EIF2A: variants seen among roughly 807,000 people sequenced by gnomAD.
The protein encoded by EIF2A is eukaryotic translation initiation factor 2A.
A neutral mutation model predicts 75.2 loss-of-function variants in EIF2A; 62 were observed. The observed-to-expected ratio is 0.82, with a 90% confidence interval of 0.67 to 1.02. The LOEUF (loss-of-function observed/expected upper bound fraction) is 1.02. EIF2A is among the 50% of genes least tolerant of loss of function. The pLI, the probability that EIF2A is intolerant of heterozygous loss-of-function variation, is 0.00. For missense variants in EIF2A, 611 were observed against 677.7 expected (o/e 0.90, Z 1.09); for synonymous variants, 207 against 239.0 (o/e 0.87, Z 1.23).
intron 10 of EIF2A, among the ~76,000 whole-genome samples, chr3:150,572,855 C>CAA (rs774758560): frequency 0.011 from 1,170 of 101,768 alleles, 19 homozygotes; most frequent in African/African-American, 0.03. Context: ...GACTCCGTCT[C>CAA]AAAAAAAAAA....
intron 1 of EIF2A, 74 bp downstream of exon 1, chr3:150,546,904 ACCCGAGGAG>A: frequency 6.3e-7 from 1 of 1,593,154 alleles, no homozygotes; most frequent in Non-Finnish European, 8.5e-7. Flanking sequence ...TTTGAGAACT[ACCCGAGGAG>A]CCGGGGAGTC....
intron 9 of EIF2A, 56 bp downstream of exon 9, chr3:150,568,348 T>C (rs1020830577): frequency 8.2e-6 from 11 of 1,339,644 alleles, no homozygotes; most frequent in East Asian, 2.4e-5. Flanking sequence ...AAAAATACTA[T>C]GCCATAAAGA....
rs1421292634 is a variant in EIF2A at position 150,581,719 on chromosome 3, A to T, written c.1599A>T (p.Ile533=). 4.5e-6 allele frequency: 7 copies of T among 1,557,340 alleles called. No homozygotes were observed. Among genetic ancestry groups the T allele is most frequent in the Admixed American group, 1.9e-5 (1 of 51,534 alleles). Reference sequence around the variant, plus strand: ...AGTCAATTTCTGGGGACCCTGAGATAGACAAAAAAATCAAGAACCTAAAGA... The same window carrying T: ...AGTCAATTTCTGGGGACCCTGAGATTGACAAAAAAATCAAGAACCTAAAGA... ...VSQSISGDPE[I]DKKIKNLKKK... The change falls in exon 12 of 14, where the codon ATA becomes ATT. Residue 533 remains isoleucine (I), a synonymous_variant. Transcript: ENST00000460851.
chr3:150,562,452 C>A, intron 3 of EIF2A, 90 bp from the exon 4 acceptor site: 2 of 964,382 alleles, frequency 2.1e-6, no homozygotes, highest in Non-Finnish European at 3.0e-6. Context: ...TTGGAGTGAT[C>A]TGTATTTGAA....
chr3:150,562,230 G>T (rs7427005), intron 3 of EIF2A, among the ~76,000 whole-genome samples: 11 of 151,446 alleles, frequency 7.3e-5, no homozygotes, highest in South Asian at 4.2e-4. Context: ...AGACCATCCT[G>T]GCTAACACGG....
chr3:150,576,525 C>G (rs1216508504), intron 11 of EIF2A, among the ~76,000 whole-genome samples: 1 of 152,154 alleles, frequency 6.6e-6, no homozygotes, highest in Non-Finnish European at 1.5e-5. Context: ...TTTCTTTTGT[C>G]TTTGCCTATG....
At chr3:150,579,716 A>G (rs543316846) in intron 11 of EIF2A, among the ~76,000 whole-genome samples, 12 of 151,974 alleles carry the variant, frequency 7.9e-5, no homozygotes, top group East Asian at 7.7e-4. Flanking sequence ...AAAAAAAAAA[A>G]AGAGAAAAAT....
At chr3:150,551,908 A>G (rs1723335205) in intron 1 of EIF2A, among the ~76,000 whole-genome samples, 1 of 152,132 alleles carries the variant, frequency 6.6e-6, no homozygotes, top group Non-Finnish European at 1.5e-5. Flanking sequence ...ATATATTAAT[A>G]TTGCCTTATA....
chr3:150,557,507 TCTC>T (rs1723629764), intron 2 of EIF2A: 2 of 189,566 alleles, frequency 1.1e-5, no homozygotes, highest in Non-Finnish European at 2.3e-5. Context: ...TTGAAGCAAT[TCTC>T]CTGTCTCAGC....
Position 150,581,679 on chromosome 3 carries a change from G to C in EIF2A, c.1559G>C (p.Arg520Pro), listed in dbSNP as rs746915859. 2 of 1,553,186 alleles carry C rather than the reference G, an allele frequency of 1.3e-6. No individual in the cohort carries two copies. The highest frequency in any genetic ancestry group is 3.3e-4 in the Middle Eastern group (2 of 5,990). The change falls in exon 12 of 14, where the codon CGA becomes CCA. Residue 520 changes from arginine to proline, a missense_variant. Arg to Pro is a moderately radical substitution (Grantham distance 103). Coordinates refer to ENST00000460851, the MANE Select transcript of EIF2A (RefSeq NM_032025.5). ...APTPAPQSTP[R>P]NTVSQSISGD... The stretch of plus-strand genomic sequence containing the variant: ...ACTCCTGCCCCACAGAGCACACCAC[G>C]AAACACTGTCTCTCAGTCAATTTCT...
chr3:150,549,713 G>T (rs912368469), intron 1 of EIF2A, among the ~76,000 whole-genome samples: 5 of 152,184 alleles, frequency 3.3e-5, no homozygotes, highest in Non-Finnish European at 4.4e-5. Flanking sequence ...TAATCATGTA[G>T]TCAGGACTAA....
At chr3:150,555,968 C>G (rs961480615) in intron 2 of EIF2A, among the ~76,000 whole-genome samples, 4 of 152,176 alleles carry the variant, frequency 2.6e-5, no homozygotes, top group African/African-American at 9.7e-5. Flanking sequence ...TACTTCAGAA[C>G]AGTCTGTTGT....
chr3:150,559,934 T>C (rs1043300628), intron 3 of EIF2A, among the ~76,000 whole-genome samples: 2 of 152,210 alleles, frequency 1.3e-5, no homozygotes, highest in African/African-American at 2.4e-5. Context: ...CTATTGTGGG[T>C]ACTTAAATTT....
intron 3 of EIF2A, among the ~76,000 whole-genome samples, chr3:150,560,224 A>G (rs1723778138): frequency 6.6e-6 from 1 of 151,968 alleles, no homozygotes; most frequent in South Asian, 2.1e-4. Context: ...ATTTTAATAG[A>G]TATCTTCTAT....
At chr3:150,548,308 T>TACCCAGATAGAGTCAGTCACTTC (rs1723148178) in intron 1 of EIF2A, among the ~76,000 whole-genome samples, 1 of 152,252 alleles carries the variant, frequency 6.6e-6, no homozygotes, top group Non-Finnish European at 1.5e-5. Flanking sequence ...TTCGTCACTC[T>TACCCAGATAGAGTCAGTCACTTC]ACCCAGATAG....
chr3:150,555,868 T>C (rs1723538565), intron 2 of EIF2A, among the ~76,000 whole-genome samples: 1 of 152,174 alleles, frequency 6.6e-6, no homozygotes, highest in Non-Finnish European at 1.5e-5. Flanking sequence ...TGGGATATAC[T>C]GAGGTGACCA....
In EIF2A at chr3:150,558,406, CAA is replaced by C. The variant is rs956071321; in HGVS notation, c.119_120del (p.Lys40SerfsTer5). ...VFPRESGKNCKVCIFSKDGTL... is the reference protein window; with the variant it reads ...VFPRESGKNCXVCIFSKDGTL... ...TTTTCAGGGAATCTGGGAAGAATTG[CAA>C]AGTCTGTATCTTTAGTAAGGATGGG... On this transcript the variant is annotated frameshift_variant, in exon 3 of 14. Coordinates refer to ENST00000460851, the MANE Select transcript of EIF2A (RefSeq NM_032025.5). LOFTEE classifies it high-confidence loss of function. 5 of 1,524,642 alleles carry C rather than the reference CAA, an allele frequency of 3.3e-6. No homozygotes were observed. In the African/African-American group the frequency reaches 4.3e-5, roughly 13 times the overall value. 94.4% of individuals were successfully genotyped at this position (1,524,642 alleles called of 1,614,324 possible).
chr3:150,568,741 C>A (rs1227537291), intron 9 of EIF2A, among the ~76,000 whole-genome samples: 1 of 151,918 alleles, frequency 6.6e-6, no homozygotes. Flanking sequence ...CATAGTGAGA[C>A]CCTACCTCTA....
chr3:150,584,643 G>A lies in EIF2A; in HGVS notation c.*732G>A, dbSNP rs1725369578. Among the ~76,000 whole-genome samples the A allele has an allele frequency of 6.6e-6, 1 of 152,138 alleles. No individual in the cohort carries two copies. The highest frequency in any genetic ancestry group is 2.4e-5 in the African/African-American group (1 of 41,438). On this transcript the variant is annotated 3_prime_UTR_variant, in exon 14 of 14. Transcript: ENST00000460851. ...TTGAAATGTTCGCCACTTTGATAAAGAGGAAATGATTGTTTGTTACTGTTA... is the reference window on the plus strand; with the variant it reads ...TTGAAATGTTCGCCACTTTGATAAAAAGGAAATGATTGTTTGTTACTGTTA...
Sources: allele counts gnomAD v4.1 joint callset (sites outside exome capture counted in the v4.1 genomes callset), GRCh38; gene constraint gnomAD v4.1.1; transcripts MANE v1.5; gene names NCBI Gene and HGNC (gene_info 2026-07-23, HGNC 2026-07-21).